Variants in MAGI1 observed in about 807,000 individuals in gnomAD.
MAGI1 encodes membrane-associated guanylate kinase, WW and PDZ domain-containing protein 1.
A neutral mutation model predicts 139.9 loss-of-function variants in MAGI1; 58 were observed. That is an observed-to-expected ratio of 0.41 (90% confidence interval 0.34 to 0.52). MAGI1 has a LOEUF of 0.52. MAGI1 is among the 20% of genes least tolerant of loss of function. MAGI1 has a pLI of 0.12. For synonymous variants in MAGI1, 812 were observed against 737.9 expected (o/e 1.10, Z -1.63); for missense variants, 1,874 against 1,901.6 (o/e 0.99, Z 0.27).
At chr3:65,846,167 C>A (rs1039145334) in intron 1 of MAGI1, among the ~76,000 whole-genome samples, 1 of 152,186 alleles carries the variant, frequency 6.6e-6, no homozygotes, top group African/African-American at 2.4e-5. Flanking sequence ...AATCCAGCAG[C>A]CACCAGCCCC....
At chr3:65,651,232 T>G (rs1009651977) in intron 1 of MAGI1, among the ~76,000 whole-genome samples, 1 of 152,208 alleles carries the variant, frequency 6.6e-6, no homozygotes, top group East Asian at 1.9e-4. Flanking sequence ...CCAGGCTCAT[T>G]AACAACCAGG....
chr3:65,917,411 A>T (rs1041793977), intron 1 of MAGI1, among the ~76,000 whole-genome samples: 1 of 152,226 alleles, frequency 6.6e-6, no homozygotes, highest in Non-Finnish European at 1.5e-5. Flanking sequence ...AAAACTAAAC[A>T]TAATCTTACC....
intron 1 of MAGI1, among the ~76,000 whole-genome samples, chr3:65,822,074 C>T (rs2041979874): frequency 6.6e-6 from 1 of 152,126 alleles, no homozygotes; most frequent in South Asian, 2.1e-4. Flanking sequence ...TAAACTAACA[C>T]CACAGGGATG....
chr3:65,964,941 A>G (rs2064663742), intron 1 of MAGI1, among the ~76,000 whole-genome samples: 1 of 152,214 alleles, frequency 6.6e-6, no homozygotes, highest in South Asian at 2.1e-4. Context: ...CGGAAACTAT[A>G]TGCATATGCA....
At chr3:65,616,629 C>A (rs1474234037) in intron 2 of MAGI1, among the ~76,000 whole-genome samples, 1 of 152,092 alleles carries the variant, frequency 6.6e-6, no homozygotes. Flanking sequence ...TTTAGACAGC[C>A]CTTAGTTTAG....
At chr3:65,508,938 T>G (rs1267197758) in intron 2 of MAGI1, among the ~76,000 whole-genome samples, 1 of 152,206 alleles carries the variant, frequency 6.6e-6, no homozygotes, top group African/African-American at 2.4e-5. Flanking sequence ...CTTTATTTCC[T>G]CCATTTGGCA....
At chr3:65,772,741 T>C (rs2038058353) in intron 1 of MAGI1, among the ~76,000 whole-genome samples, 1 of 152,190 alleles carries the variant, frequency 6.6e-6, no homozygotes, top group Non-Finnish European at 1.5e-5. Context: ...TGCAGGTAAA[T>C]GAGTCTAAGT....
At chr3:65,833,362 G>A (rs540652979) in intron 1 of MAGI1, among the ~76,000 whole-genome samples, 56 of 152,022 alleles carry the variant, frequency 3.7e-4, no homozygotes, top group African/African-American at 1.2e-3. Flanking sequence ...CAAGTGATCC[G>A]CCCGCCTCAG....
Position 65,364,881 on chromosome 3 carries a change from G to T in MAGI1, c.3262C>A (p.Pro1088Thr). The change falls in exon 19 of 23, where the codon CCT becomes ACT. Residue 1088 changes from proline (P) to threonine (T), a missense_variant. Around this residue, in one of 5 missense-constraint regions of MAGI1, gnomAD observed 653 missense variants for 644.5 expected, o/e 1.01. Coordinates refer to ENST00000402939, the MANE Select transcript of MAGI1 (RefSeq NM_001033057.2). The stretch of plus-strand genomic sequence containing the variant: ...GTCTCCTGGGTCCCTTGCTGAGAAG[G>T]GGTGTGTGTGGTGGTGATGGTGGCA... ...KIATITTTHTPSQQGTQETRN... is the reference protein window; with the variant it reads ...KIATITTTHTTSQQGTQETRN... 1 of 1,614,062 alleles carries T rather than the reference G, an allele frequency of 6.2e-7. No homozygotes were observed. Among genetic ancestry groups the T allele is most frequent in the Non-Finnish European group, 8.5e-7 (1 of 1,179,968 alleles).
chr3:65,508,474 T>TATTTA (rs1468291311), intron 2 of MAGI1, among the ~76,000 whole-genome samples: 5 of 152,172 alleles, frequency 3.3e-5, no homozygotes, highest in Non-Finnish European at 7.3e-5. Flanking sequence ...TGAATTATTA[T>TATTTA]GTTATATAAA....
chr3:65,779,124 T>G (rs541429261), intron 1 of MAGI1, among the ~76,000 whole-genome samples: 1 of 152,352 alleles, frequency 6.6e-6, no homozygotes, highest in East Asian at 1.9e-4. Context: ...AAAGTTGTAC[T>G]TTGCTTAGTC....
At chr3:65,476,275 C>T (rs979629805) in intron 4 of MAGI1, among the ~76,000 whole-genome samples, 1 of 152,180 alleles carries the variant, frequency 6.6e-6, no homozygotes, top group African/African-American at 2.4e-5. Context: ...GGTCCCATCA[C>T]GTGCATATCT....
intron 1 of MAGI1, among the ~76,000 whole-genome samples, chr3:65,849,468 C>CATATATATATATATAT (rs10529813): frequency 2.1e-5 from 3 of 144,754 alleles, no homozygotes; most frequent in Non-Finnish European, 4.5e-5. Context: ...AGTAAACTTT[C>CATATATATATATATAT]ATATATATAT....
At chr3:65,625,241 A>G (rs753653043) in intron 1 of MAGI1, among the ~76,000 whole-genome samples, 8 of 152,232 alleles carry the variant, frequency 5.3e-5, no homozygotes, top group South Asian at 2.1e-4. Flanking sequence ...ACAGAACTGT[A>G]TACATAAAAC....
intron 1 of MAGI1, among the ~76,000 whole-genome samples, chr3:65,728,644 C>T (rs73832935): frequency 0.011 from 1,694 of 152,232 alleles, 32 homozygotes; most frequent in African/African-American, 0.039. Context: ...TGTGGCACAG[C>T]TGAACTTTTA....
chr3:65,596,193 A>G (rs2082186864), intron 2 of MAGI1, among the ~76,000 whole-genome samples: 1 of 152,184 alleles, frequency 6.6e-6, no homozygotes, highest in African/African-American at 2.4e-5. Flanking sequence ...CTCAACTAAG[A>G]AATGCATTTA....
intron 2 of MAGI1, among the ~76,000 whole-genome samples, chr3:65,595,929 C>A (rs371391020): frequency 6.6e-6 from 1 of 152,130 alleles, no homozygotes; most frequent in African/African-American, 2.4e-5. Context: ...GAGACAGGGG[C>A]AGACTGCTTC....
intron 2 of MAGI1, among the ~76,000 whole-genome samples, chr3:65,590,150 A>G (rs141226849): frequency 5.3e-5 from 8 of 152,190 alleles, no homozygotes; most frequent in Non-Finnish European, 1.2e-4. Flanking sequence ...CCTGACCTGA[A>G]TTCTAGACAA....
chr3:65,574,294 A>G (rs2108085567), intron 2 of MAGI1, among the ~76,000 whole-genome samples: 1 of 151,306 alleles, frequency 6.6e-6, no homozygotes, highest in Non-Finnish European at 1.5e-5. Flanking sequence ...GGTTTTCTGT[A>G]CAGGTAATTT....
Sources: allele counts gnomAD v4.1 joint callset (sites outside exome capture counted in the v4.1 genomes callset), GRCh38; gene constraint gnomAD v4.1.1; regional missense constraint gnomAD v4.1.1; transcripts MANE v1.5; gene names NCBI Gene and HGNC (gene_info 2026-07-23, HGNC 2026-07-21).